DNM3: variants seen among roughly 807,000 people sequenced by gnomAD.
DNM3 encodes the protein dynamin 3, also known as dynamin-3.
DNM3 carries 47 observed loss-of-function variants against 101.6 expected under a neutral mutation model. The ratio of observed to expected loss-of-function variants is 0.46; its 90% confidence interval spans 0.37 to 0.59. The LOEUF is 0.59. Among genes scored for constraint, DNM3 ranks in the 20% least tolerant of loss-of-function variants. The pLI is 0.00. For synonymous variants in DNM3, 385 were observed against 387.9 expected, an observed-to-expected ratio of 0.99 and a Z score of 0.09; for missense variants, 849 against 1,085.7, an observed-to-expected ratio of 0.78 and a Z score of 3.06.
chr1:172,394,749 C>A (rs1467035616), intron 20 of DNM3, among the ~76,000 whole-genome samples: 1 of 152,088 alleles, frequency 6.6e-6, no homozygotes, highest in African/African-American at 2.4e-5. Context: ...AAGCCACTGG[C>A]CAGTGAAAAA....
chr1:172,012,136 A>G (rs952447186), intron 4 of DNM3, among the ~76,000 whole-genome samples: 2 of 152,028 alleles, frequency 1.3e-5, no homozygotes, highest in African/African-American at 4.8e-5. Flanking sequence ...AGACTCAAAC[A>G]TGTAATGGTG....
At position 172,387,375 on chromosome 1, in the gene DNM3, C is replaced by T. The variant is rs535531670; in HGVS notation, c.2285+16C>T. 18 of 1,599,122 alleles carry T rather than the reference C, an allele frequency of 1.1e-5. No individual in the cohort carries two copies. The highest frequency in any genetic ancestry group is 6.9e-5 in the Admixed American group (4 of 58,368). On this transcript the variant is annotated intron_variant, in intron 19 of 20. Coordinates refer to ENST00000627582, the MANE Select transcript of DNM3 (RefSeq NM_015569.5). ...ACTCTCGCAGGTAAGAAGATGGCCC[C>T]GGCCGGGTGCGGTGGCTCGCTCCTG...
intron 17 of DNM3, among the ~76,000 whole-genome samples, chr1:172,367,134 C>T (rs1395265804): frequency 6.6e-6 from 1 of 151,642 alleles, no homozygotes; most frequent in African/African-American, 2.4e-5. Flanking sequence ...AAGGGAATCC[C>T]CATTAAGCTA....
chr1:172,395,173 A>ATTT (rs151029098), intron 20 of DNM3, among the ~76,000 whole-genome samples: 1 of 133,114 alleles, frequency 7.5e-6, no homozygotes, highest in Admixed American at 7.7e-5. Context: ...ATCAGAAGCA[A>ATTT]TTTTTTTTTT....
At chr1:171,846,851 A>G (rs1308702273) in intron 1 of DNM3, among the ~76,000 whole-genome samples, 2 of 152,220 alleles carry the variant, frequency 1.3e-5, no homozygotes, top group Non-Finnish European at 2.9e-5. Flanking sequence ...AAAGGGGCCA[A>G]CATTTGCTTA....
chr1:171,930,006 T>C (rs1304647349), intron 2 of DNM3, among the ~76,000 whole-genome samples: 2 of 151,922 alleles, frequency 1.3e-5, no homozygotes, highest in Non-Finnish European at 2.9e-5. Flanking sequence ...CAAATCTCTG[T>C]GGGCTGGAGA....
intron 14 of DNM3, among the ~76,000 whole-genome samples, chr1:172,202,727 A>G (rs1026897132): frequency 1.3e-5 from 2 of 152,174 alleles, no homozygotes; most frequent in Non-Finnish European, 2.9e-5. Flanking sequence ...TAAGAAGAAG[A>G]ACATAAGACT....
At chr1:172,323,275 A>G in intron 16 of DNM3, 54 bp from the exon 17 acceptor site, 3 of 1,521,980 alleles carry the variant, frequency 2.0e-6, no homozygotes, top group South Asian at 2.5e-5. Flanking sequence ...TAATTTTAAA[A>G]TAAATTTCTG....
intron 14 of DNM3, among the ~76,000 whole-genome samples, chr1:172,152,360 A>C (rs910459791): frequency 1.3e-5 from 2 of 150,494 alleles, no homozygotes; most frequent in African/African-American, 4.9e-5. Flanking sequence ...CATTCTTTTT[A>C]ATCTTTAACA....
intron 14 of DNM3, among the ~76,000 whole-genome samples, chr1:172,180,294 A>T (rs2059299591): frequency 6.6e-6 from 1 of 152,080 alleles, no homozygotes; most frequent in African/African-American, 2.4e-5. Flanking sequence ...TTTGTTCTTT[A>T]TGGTTTACCA....
intron 14 of DNM3, among the ~76,000 whole-genome samples, chr1:172,176,424 C>A (rs2059155786): frequency 6.6e-6 from 1 of 151,772 alleles, no homozygotes; most frequent in Non-Finnish European, 1.5e-5. Context: ...TTGCATTAAG[C>A]CACCAAGTTT....
intron 14 of DNM3, among the ~76,000 whole-genome samples, chr1:172,202,346 A>AT (rs968224577): frequency 4.6e-5 from 7 of 152,056 alleles, no homozygotes; most frequent in African/African-American, 1.7e-4. Flanking sequence ...CTGGTGCTTT[A>AT]TTTTTTGAAG....
rs1318423272 is a variant in DNM3 at position 172,127,213 on chromosome 1, C to T, written c.1546-3962C>T. ...TAACCTTCCTAAACTTCCTACTCTG[C>T]TCCTCACGAAGGACTTACGTCCACC... On this transcript the variant is annotated intron_variant, in intron 13 of 20. Transcript: ENST00000627582. Among the ~76,000 whole-genome samples the T allele has an allele frequency of 2.6e-5, 4 of 151,946 alleles. No individual in the cohort carries two copies. The East Asian group carries it at 7.7e-4, about 29-fold the overall frequency.
chr1:172,397,046 T>A (rs1156975327), intron 20 of DNM3: 33 of 152,592 alleles, frequency 2.2e-4, no homozygotes, highest in Non-Finnish European at 4.4e-5. Context: ...CTTAAGTAAA[T>A]CTACCCTTAA....
intron 1 of DNM3, among the ~76,000 whole-genome samples, chr1:171,898,594 A>T (rs2038017354): frequency 1.3e-5 from 2 of 152,132 alleles, no homozygotes; most frequent in African/African-American, 4.8e-5. Context: ...CCTATAATCC[A>T]GTTACTTGGA....
At chr1:171,947,933 G>A (rs1168612562) in intron 2 of DNM3, among the ~76,000 whole-genome samples, 2 of 152,164 alleles carry the variant, frequency 1.3e-5, no homozygotes, top group African/African-American at 4.8e-5. Flanking sequence ...TTTTCTGTTG[G>A]GAAAGTGAGG....
chr1:172,246,248 C>T (rs559428825), intron 14 of DNM3, among the ~76,000 whole-genome samples: 1 of 152,184 alleles, frequency 6.6e-6, no homozygotes, highest in South Asian at 2.1e-4. Flanking sequence ...ACGGGCATTC[C>T]AGGGGTGTCT....
chr1:172,044,378 T>C lies in DNM3; in HGVS notation c.1129-7T>C. Reference sequence around the variant, plus strand: ...TGTCATAACTATGGCTCATTTTGCATCTGCAGATGGAGTTCAATGAGAAAG... The same window carrying C: ...TGTCATAACTATGGCTCATTTTGCACCTGCAGATGGAGTTCAATGAGAAAG... On this transcript the variant is annotated splice_region_variant and splice_polypyrimidine_tract_variant and intron_variant, in intron 8 of 20. Transcript: ENST00000627582. 1 of 1,603,752 alleles carries C rather than the reference T, an allele frequency of 6.2e-7. No individual in the cohort carries two copies. Among genetic ancestry groups the C allele is most frequent in the South Asian group, 1.1e-5 (1 of 88,326 alleles).
intron 15 of DNM3, among the ~76,000 whole-genome samples, chr1:172,278,004 T>A (rs888204866): frequency 6.6e-6 from 1 of 152,120 alleles, no homozygotes; most frequent in Non-Finnish European, 1.5e-5. Context: ...TGAAAGCATC[T>A]CTCAGCTCAG....
Sources: allele counts gnomAD v4.1 joint callset (sites outside exome capture counted in the v4.1 genomes callset), GRCh38; gene constraint gnomAD v4.1.1; transcripts MANE v1.5; gene names NCBI Gene and HGNC (gene_info 2026-07-23, HGNC 2026-07-21).